NPR2: variants seen among roughly 807,000 people sequenced by gnomAD.
The protein encoded by NPR2 is natriuretic peptide receptor 2.
A neutral mutation model predicts 120.7 loss-of-function variants in NPR2; 49 were observed. The observed-to-expected ratio is 0.41, with a 90% CI of 0.32 to 0.52. NPR2 has a LOEUF of 0.52. Ranked by LOEUF, NPR2 falls within the 20% of genes least tolerant of loss-of-function variation. The pLI is 0.36. For missense variants in NPR2, 931 were observed against 1,362.9 expected (o/e 0.68, Z 4.99); for synonymous variants, 484 against 519.8 (o/e 0.93, Z 0.94).
In NPR2 at chr9:35,801,953, A is replaced by T. The variant is rs746954271; in HGVS notation, c.1585A>T (p.Thr529Ser). Residue 529 changes from threonine to serine, a missense_variant, in exon 9 of 22, where the codon ACA (threonine) becomes TCA (serine). This residue lies in a region of NPR2 where 681 missense variants were observed against 974.3 expected (regional missense o/e 0.70). Coordinates refer to ENST00000342694, the MANE Select transcript of NPR2 (RefSeq NM_003995.4). ...GGGATCCAGTTACGGCTCGCTCATG[A>T]CAGCCCATGGGAAATACCAGATCTT... The part of the protein sequence containing the change: ...LRGSSYGSLM[T>S]AHGKYQIFAN... 5 of 1,614,126 alleles carry T rather than the reference A, an allele frequency of 3.1e-6. No individual in the cohort carries two copies. The South Asian group carries it at 5.5e-5, about 18-fold the overall frequency.
At position 35,801,723 on chromosome 9, in the gene NPR2, G is replaced by T; in HGVS notation, c.1517G>T (p.Arg506Leu). 1.2e-6 allele frequency: 2 copies of T among 1,614,196 alleles called. No homozygotes were observed. Among genetic ancestry groups the T allele is most frequent in the Non-Finnish European group, 8.5e-7 (1 of 1,180,034 alleles). Residue 506 changes from arginine to leucine, a missense_variant, in exon 8 of 22, where the codon CGT becomes CTT. By Grantham distance (102) the Arg-to-Leu change is moderately radical (BLOSUM62 -2). Around this residue, in one of 3 missense-constraint regions of NPR2, gnomAD observed 681 missense variants for 974.3 expected, o/e 0.70. Transcript: ENST00000342694. The part of the protein sequence containing the change: ...WEELQFGNSE[R>L]YHKGAGSRLT... ...GAACTGCAGTTTGGCAACTCAGAGC[G>T]TTATCACAAAGGTGCAGGCAGTCGC...
intron 2 of NPR2, among the ~76,000 whole-genome samples, chr9:35,795,255 CT>C (rs1260209940): frequency 2.0e-5 from 3 of 152,192 alleles, no homozygotes; most frequent in Non-Finnish European, 2.9e-5. Flanking sequence ...CCTTTATGTT[CT>C]TTTTCCTTTT....
Position 35,808,590 on chromosome 9 carries a change from C to T in NPR2, c.2794C>T (p.Arg932Cys), listed in dbSNP as rs760285654. ...TCAACGCCATGCACCAGAAATTGCT[C>T]GTATGGCCCTAGCATTACTAGATGC... The part of the protein sequence containing the change: ...NGQRHAPEIA[R>C]MALALLDAVS... The change falls in exon 19 of 22, where the codon CGT (arginine) becomes TGT (cysteine). Residue 932 changes from arginine to cysteine, a missense_variant. Physicochemically the swap from Arg to Cys is radical, Grantham distance 180 (BLOSUM62 -3). This residue lies in a region of NPR2 where 184 missense variants were observed against 328.3 expected (regional missense o/e 0.56). Transcript: ENST00000342694. This position sits in a 1 kb window ranked among gnomAD's most constrained non-coding sequence, Gnocchi z 4.0. 5.6e-6 allele frequency: 9 copies of T among 1,614,092 alleles called. No individual in the cohort carries two copies. Among genetic ancestry groups the T allele is most frequent in the Admixed American group, 1.7e-5 (1 of 60,018 alleles).
At chr9:35,799,833 T>TG (rs1054876787) in intron 3 of NPR2, 102 bp downstream of exon 3, 22 of 1,378,144 alleles carry the variant, frequency 1.6e-5, no homozygotes, top group Middle Eastern at 5.0e-4. Flanking sequence ...AGCCCAACTT[T>TG]GGGGGGTCTC....
At position 35,800,224 on chromosome 9, in the gene NPR2, C is replaced by T. The variant is rs1339897665; in HGVS notation, c.1123+67C>T. On this transcript the variant is annotated intron_variant, in intron 4 of 21. Coordinates refer to ENST00000342694, the MANE Select transcript of NPR2 (RefSeq NM_003995.4). This position sits in a 1 kb window ranked among gnomAD's most constrained non-coding sequence, Gnocchi z 4.7. ...GGAATAGAGTGGGCTGAAGAAGAAA[C>T]AGATGTCAGGATCACCACAGCTTTA... 3 of 1,507,070 alleles carry T rather than the reference C, an allele frequency of 2.0e-6. No homozygotes were observed. The highest frequency in any genetic ancestry group is 2.8e-6 in the Non-Finnish European group (3 of 1,082,694). 93.4% of individuals were successfully genotyped at this position (1,507,070 alleles called of 1,614,324 possible).
chr9:35,807,182 G>T, intron 17 of NPR2, 36 bp downstream of exon 17: 3 of 1,475,758 alleles, frequency 2.0e-6, no homozygotes, highest in South Asian at 2.3e-5. Flanking sequence ...GGGTGGGGTT[G>T]GGTGGGTAGG....
chr9:35,809,047 C>T lies in NPR2; in HGVS notation c.2987-109C>T. On this transcript the variant is annotated intron_variant, in intron 20 of 21. Coordinates refer to ENST00000342694, the MANE Select transcript of NPR2 (RefSeq NM_003995.4). The surrounding 1 kb of genome is among the most constrained non-coding windows in gnomAD (Gnocchi z 4.1). ...GGTCCTAATAGATATGCATTGGGAGCTTCCCAGGGATGGTTGGTCGGGCAC... is the reference window on the plus strand; with the variant it reads ...GGTCCTAATAGATATGCATTGGGAGTTTCCCAGGGATGGTTGGTCGGGCAC... 1 of 1,151,186 alleles carries T rather than the reference C, an allele frequency of 8.7e-7. No individual in the cohort carries two copies. Among genetic ancestry groups the T allele is most frequent in the Non-Finnish European group, 1.3e-6 (1 of 762,426 alleles). The allele number at this position is 1,151,186 out of a possible 1,614,324, so 71.3% of individuals were successfully genotyped here. A position where few individuals can be genotyped will look rare whatever the true frequency, so the allele number is the denominator to read the frequency against.
chr9:35,798,235 G>A (rs532618930), intron 2 of NPR2, among the ~76,000 whole-genome samples: 562 of 152,112 alleles, frequency 3.7e-3, no homozygotes, highest in Non-Finnish European at 5.2e-3. Context: ...ATCTTTTCTC[G>A]CCCTTTTCCT....
Position 35,805,940 on chromosome 9 carries a change from C to T in NPR2, c.2158C>T (p.Arg720Cys), listed in dbSNP as rs1319830472. ...FGIILQEIAL[R>C]SGPFYLEGLD... ...GATCATCCTGCAGGAGATAGCACTT[C>T]GCAGTGGTCCTTTCTACTTGGAGGG... The change falls in exon 14 of 22, where the codon CGC becomes TGC. Residue 720 changes from arginine (R) to cysteine (C), a missense_variant. This residue lies in a region of NPR2 where 681 missense variants were observed against 974.3 expected (regional missense o/e 0.70). Coordinates refer to ENST00000342694, the MANE Select transcript of NPR2 (RefSeq NM_003995.4). This position sits in a 1 kb window ranked among gnomAD's most constrained non-coding sequence, Gnocchi z 4.9. The T allele has an allele frequency of 3.1e-6, 5 of 1,614,074 alleles. No individual in the cohort carries two copies. Among genetic ancestry groups the T allele is most frequent in the East Asian group, 2.2e-5 (1 of 44,894 alleles).
In NPR2 at chr9:35,808,241, T is replaced by C. The variant is rs762418745; in HGVS notation, c.2713-268T>C. On this transcript the variant is annotated intron_variant, in intron 18 of 21. Coordinates refer to ENST00000342694, the MANE Select transcript of NPR2 (RefSeq NM_003995.4). This position sits in a 1 kb window ranked among gnomAD's most constrained non-coding sequence, Gnocchi z 4.0. ...ATTTCCTGATGGCAGAGCCTATTTG[T>C]CCATGTCCTGCTGCAGACAGGGTGT... 1 of 1,614,086 alleles carries C rather than the reference T, an allele frequency of 6.2e-7. No homozygotes were observed. Among genetic ancestry groups the C allele is most frequent in the African/African-American group, 1.3e-5 (1 of 74,934 alleles).
chr9:35,809,186 A>C lies in NPR2; in HGVS notation c.3017A>C (p.Lys1006Thr), dbSNP rs1349163835. The C allele has an allele frequency of 1.3e-5, 21 of 1,613,980 alleles. No homozygotes were observed. Among genetic ancestry groups the C allele is most frequent in the Non-Finnish European group, 1.8e-5 (21 of 1,179,970 alleles). The part of the protein sequence containing the change: ...ALKIHVSSTT[K>T]DALDELGCFQ... ...AAGATCCATGTCTCCTCTACCACCA[A>C]GGATGCCCTAGATGAGCTAGGATGC... is the stretch of plus-strand genomic sequence containing the variant. Residue 1006 changes from lysine to threonine, a missense_variant, in exon 21 of 22, where the codon AAG (lysine) becomes ACG (threonine). This residue lies in a region of NPR2 where 184 missense variants were observed against 328.3 expected (regional missense o/e 0.56). Coordinates refer to ENST00000342694, the MANE Select transcript of NPR2 (RefSeq NM_003995.4). The surrounding 1 kb of genome is among the most constrained non-coding windows in gnomAD (Gnocchi z 4.1).
rs140286647 is a variant in NPR2, at chr9:35,809,308, C to T, written c.3078+61C>T. ...GGAGGGTGAAAGTGATTATGGGAAT[C>T]ATAGGGAAAGAGAGGGAGACAAAGG... On this transcript the variant is annotated intron_variant, in intron 21 of 21. Transcript: ENST00000342694. The surrounding 1 kb of genome is among the most constrained non-coding windows in gnomAD (Gnocchi z 4.1). 3 of 1,610,288 alleles carry T rather than the reference C, an allele frequency of 1.9e-6. No individual in the cohort carries two copies. The highest frequency in any genetic ancestry group is 4.5e-5 in the East Asian group (2 of 44,866).
intron 12 of NPR2, among the ~76,000 whole-genome samples, chr9:35,803,478 A>G (rs988224454): frequency 6.6e-6 from 1 of 152,074 alleles, no homozygotes; most frequent in African/African-American, 2.4e-5. Flanking sequence ...TTTTCCTCTC[A>G]TTATTTTACT....
Position 35,802,443 on chromosome 9 carries a change from C to T in NPR2, c.1711-60C>T, listed in dbSNP as rs1765317004. On this transcript the variant is annotated intron_variant, in intron 10 of 21. Coordinates refer to ENST00000342694, the MANE Select transcript of NPR2 (RefSeq NM_003995.4). The surrounding 1 kb of genome is among the most constrained non-coding windows in gnomAD (Gnocchi z 4.2). The stretch of plus-strand genomic sequence containing the variant: ...GGTCCTCTTATGTAGTGGTAAGTTT[C>T]TGTATCTAATTTTTAACTCTTTCAA... The T allele has an allele frequency of 9.4e-7, 1 of 1,058,408 alleles. No homozygotes were observed. Among genetic ancestry groups the T allele is most frequent in the Non-Finnish European group, 1.5e-6 (1 of 673,030 alleles). The allele number at this position is 1,058,408 out of a possible 1,614,324, so 65.6% of individuals were successfully genotyped here.
rs1828195818 is a variant in NPR2 at position 35,802,231 on chromosome 9, TGAATAAGAAGC to T, written c.1660_1670del (p.Asn554HisfsTer2). 6.2e-7 allele frequency: 1 copy of T among 1,608,654 alleles called. No homozygotes were observed. Among genetic ancestry groups the T allele is most frequent in the Non-Finnish European group, 8.5e-7 (1 of 1,175,380 alleles). Reference sequence around the variant, plus strand: ...GGAAATGTTGTCGCCATCAAACATGTGAATAAGAAGCGCATTGAGCTGACCCGGCAGGTTCT... The same window carrying T: ...GGAAATGTTGTCGCCATCAAACATGTGCATTGAGCTGACCCGGCAGGTTCT... On this transcript the variant is annotated frameshift_variant, in exon 10 of 22. Transcript: ENST00000342694. LOFTEE classifies it high-confidence loss of function. This position sits in a 1 kb window ranked among gnomAD's most constrained non-coding sequence, Gnocchi z 4.2.
Position 35,808,484 on chromosome 9 carries a change from A to T in NPR2, c.2713-25A>T, listed in dbSNP as rs753754235. The T allele has an allele frequency of 6.2e-7, 1 of 1,611,370 alleles. No homozygotes were observed. Among genetic ancestry groups the T allele is most frequent in the South Asian group, 1.1e-5 (1 of 91,010 alleles). On this transcript the variant is annotated intron_variant, in intron 18 of 21. Coordinates refer to ENST00000342694, the MANE Select transcript of NPR2 (RefSeq NM_003995.4). The surrounding 1 kb of genome is among the most constrained non-coding windows in gnomAD (Gnocchi z 4.0). ...ATCCCCATGGATATAAATAGAGGTG[A>T]CCTTTTAATCCCCCTCTCAATCAGG... is the stretch of plus-strand genomic sequence containing the variant.
Position 35,792,652 on chromosome 9 carries a change from C to A in NPR2, c.244C>A (p.Leu82Met), listed in dbSNP as rs376736547. ...CGCCTGCTCTGAGTACCTGGCACCG[C>A]TGAGCGCTGTGGACCTCAAGCTGTA... ...EGACSEYLAP[L>M]SAVDLKLYHD... The change falls in exon 1 of 22, where the codon CTG becomes ATG. Residue 82 changes from leucine to methionine, a missense_variant. Around this residue, in one of 3 missense-constraint regions of NPR2, gnomAD observed 681 missense variants for 974.3 expected, o/e 0.70. Transcript: ENST00000342694. The A allele has an allele frequency of 2.8e-5, 45 of 1,614,004 alleles. No homozygotes were observed. The highest frequency in any genetic ancestry group is 3.6e-5 in the Non-Finnish European group (42 of 1,180,048).
intron 1 of NPR2, among the ~76,000 whole-genome samples, chr9:35,793,443 G>A (rs1230487942): frequency 6.6e-6 from 1 of 152,180 alleles, no homozygotes. Flanking sequence ...CACCCAGACT[G>A]GGCGCCAAGA....
rs2132066155 is a variant in NPR2, at chr9:35,792,530, C to G, written c.122C>G (p.Ala41Gly). Residue 41 changes from alanine (A) to glycine (G), a missense_variant, in exon 1 of 22, where the codon GCC becomes GGC. By Grantham distance (60) the Ala-to-Gly change is moderately conservative (BLOSUM62 0). Coordinates refer to ENST00000342694, the MANE Select transcript of NPR2 (RefSeq NM_003995.4). ...GAACACAACCTGAGCTATGCCTGGG[C>G]CTGGCCACGGGTGGGACCCGCTGTG... ...LPEHNLSYAW[A>G]WPRVGPAVAL... The G allele has an allele frequency of 2.5e-6, 4 of 1,610,982 alleles. No individual in the cohort carries two copies. In the East Asian group the frequency reaches 8.9e-5, roughly 36 times the overall value.
Sources: gnomAD v4.1 joint callset for allele counts (sites outside exome capture counted in the v4.1 genomes callset) on GRCh38, gnomAD v4.1.1 for gene constraint, gnomAD v4.1.1 regional missense constraint, Gnocchi (gnomAD v3.1) non-coding constraint, MANE v1.5 for transcripts, NCBI Gene and HGNC (gene_info 2026-07-23, HGNC 2026-07-21) for gene names.